Variants in MAP2K6 observed in about 807,000 individuals in gnomAD.
MAP2K6 encodes mitogen-activated protein kinase kinase 6, also known as dual specificity mitogen-activated protein kinase kinase 6.
MAP2K6 carries 16 observed loss-of-function variants against 53.7 expected under a neutral mutation model. That is an observed-to-expected ratio of 0.30 (90% confidence interval 0.20 to 0.45). The LOEUF (loss-of-function observed/expected upper bound fraction) is 0.45, where lower values mean the gene tolerates loss of function less well. Among genes scored for constraint, MAP2K6 ranks in the 20% least tolerant of loss-of-function variants. The pLI is 1.00. For missense variants in MAP2K6, 204 were observed against 411.9 expected (o/e 0.50, Z 4.37); for synonymous variants, 132 against 143.1 (o/e 0.92, Z 0.55).
chr17:69,437,436 G>T (rs1378480275), intron 1 of MAP2K6, among the ~76,000 whole-genome samples: 1 of 152,120 alleles, frequency 6.6e-6, no homozygotes. Context: ...GGTGGCAGGG[G>T]TGGAGAGGAA....
rs910243545 is a variant in MAP2K6, at chr17:69,533,314, C to T, written c.882-2801C>T. Among the ~76,000 whole-genome samples, 5 of 151,910 alleles carry T rather than the reference C, an allele frequency of 3.3e-5. No individual in the cohort carries two copies. In the East Asian group the frequency reaches 5.8e-4, roughly 18 times the overall value. On this transcript the variant is annotated intron_variant, in intron 10 of 11. Coordinates refer to ENST00000590474, the MANE Select transcript of MAP2K6 (RefSeq NM_002758.4). The stretch of plus-strand genomic sequence containing the variant: ...TCAAAATCAGTATTTTAAAAAAATA[C>T]AGCATTTAAAAAAAATACAGTATTT...
chr17:69,529,002 C>T (rs1910938601), intron 10 of MAP2K6, among the ~76,000 whole-genome samples: 1 of 151,894 alleles, frequency 6.6e-6, no homozygotes. Context: ...TTTCTCCCAC[C>T]TATCCCCTTT....
At chr17:69,465,764 C>T (rs113666818) in intron 1 of MAP2K6, among the ~76,000 whole-genome samples, 1,610 of 151,604 alleles carry the variant, frequency 0.011, 35 homozygotes, top group African/African-American at 0.037. Flanking sequence ...GGATTATAGA[C>T]GTGTGCCACC....
At chr17:69,501,179 G>A (rs1200935126) in intron 1 of MAP2K6, among the ~76,000 whole-genome samples, 3 of 152,132 alleles carry the variant, frequency 2.0e-5, no homozygotes, top group African/African-American at 7.2e-5. Context: ...TGGAAACACT[G>A]CCATCCTTTT....
intron 1 of MAP2K6, among the ~76,000 whole-genome samples, chr17:69,422,724 C>A (rs923866547): frequency 6.6e-6 from 1 of 152,128 alleles, no homozygotes; most frequent in East Asian, 1.9e-4. Flanking sequence ...TGTTATTATC[C>A]TTAATTTACG....
rs930801861 is a variant in MAP2K6 at position 69,430,380 on chromosome 17, A to C, written c.16+15380A>C. 3.9e-5 allele frequency among the ~76,000 whole-genome samples: 6 copies of C among 152,134 alleles called. No homozygotes were observed. The South Asian group carries it at 1.2e-3, about 31-fold the overall frequency. The stretch of plus-strand genomic sequence containing the variant: ...GAATAAAATAGAGAAGCCAATTGGA[A>C]ACCAGGAATCAGAGATTGAAGAGAT... On this transcript the variant is annotated intron_variant, in intron 1 of 11. Transcript: ENST00000590474.
At chr17:69,465,718 C>G (rs1364900967) in intron 1 of MAP2K6, among the ~76,000 whole-genome samples, 1 of 150,872 alleles carries the variant, frequency 6.6e-6, no homozygotes, top group African/African-American at 2.4e-5. Flanking sequence ...CTCCTGAGTT[C>G]AAGAGATTTT....
intron 1 of MAP2K6, among the ~76,000 whole-genome samples, chr17:69,479,719 C>CTT (rs557461445): frequency 3.6e-5 from 5 of 137,244 alleles, no homozygotes; most frequent in Admixed American, 7.4e-5. Context: ...TCCTTTTGTT[C>CTT]TTTTTTTTTT....
At chr17:69,498,650 CCACACACACACACACA>C (rs3222089) in intron 1 of MAP2K6, among the ~76,000 whole-genome samples, 6 of 145,420 alleles carry the variant, frequency 4.1e-5, no homozygotes, top group Non-Finnish European at 7.5e-5. Flanking sequence ...CACCTGGAAG[CCACACACACACACACA>C]CACACACACA....
Position 69,519,506 on chromosome 17 carries a change from C to T in MAP2K6, c.366+74C>T, listed in dbSNP as rs752667350. 1.9e-6 allele frequency: 3 copies of T among 1,572,552 alleles called. No individual in the cohort carries two copies. The Admixed American group carries it at 5.1e-5, about 27-fold the overall frequency. ...GAAGTTTCTTTGATCACGTAAATGCCTTCACAATCATGGAGCTCTTTCTTG... is the reference window on the plus strand; with the variant it reads ...GAAGTTTCTTTGATCACGTAAATGCTTTCACAATCATGGAGCTCTTTCTTG... On this transcript the variant is annotated intron_variant, in intron 5 of 11. Coordinates refer to ENST00000590474, the MANE Select transcript of MAP2K6 (RefSeq NM_002758.4).
At chr17:69,435,955 A>G (rs1275818095) in intron 1 of MAP2K6, among the ~76,000 whole-genome samples, 1 of 152,060 alleles carries the variant, frequency 6.6e-6, no homozygotes, top group African/African-American at 2.4e-5. Flanking sequence ...GGCGTGAGCC[A>G]CTGTGCCCAG....
chr17:69,440,402 C>A (rs1359484514), intron 1 of MAP2K6, among the ~76,000 whole-genome samples: 1 of 152,124 alleles, frequency 6.6e-6, no homozygotes, highest in Non-Finnish European at 1.5e-5. Context: ...CCTATCCCTA[C>A]CCCAGCCTCA....
At chr17:69,533,735 G>GTTTTTTTTTTTTTTTTT (rs35697742) in intron 10 of MAP2K6, among the ~76,000 whole-genome samples, 1 of 140,178 alleles carries the variant, frequency 7.1e-6, no homozygotes, top group Non-Finnish European at 1.5e-5. Flanking sequence ...TAGCCTGTTT[G>GTTTTTTTTTTTTTTTTT]TTTTTTTTTT....
intron 10 of MAP2K6, among the ~76,000 whole-genome samples, chr17:69,530,011 A>C (rs2144846192): frequency 6.6e-6 from 1 of 152,304 alleles, no homozygotes; most frequent in Admixed American, 6.5e-5. Flanking sequence ...TAATTAAAAA[A>C]TTTTGAGCCG....
intron 11 of MAP2K6, among the ~76,000 whole-genome samples, chr17:69,538,510 G>A (rs528194620): frequency 2.5e-4 from 38 of 152,264 alleles, no homozygotes; most frequent in African/African-American, 8.2e-4. Context: ...GTTTTCAAAC[G>A]GAAAATCTGA....
chr17:69,505,808 T>C lies in MAP2K6; in HGVS notation c.45T>C (p.Ile15=). 6.2e-7 allele frequency: 1 copy of C among 1,614,002 alleles called. No individual in the cohort carries two copies. Among genetic ancestry groups the C allele is most frequent in the Non-Finnish European group, 8.5e-7 (1 of 1,179,894 alleles). The part of the protein sequence containing the change: ...KGKKRNPGLK[I]PKEAFEQPQT... ...AGAAGCGAAACCCTGGCCTTAAAAT[T>C]CCAAAAGAAGCATTTGAACAACCTC... Residue 15 remains isoleucine (I), a synonymous_variant, in exon 2 of 12, where the codon ATT becomes ATC. Transcript: ENST00000590474.
intron 1 of MAP2K6, among the ~76,000 whole-genome samples, chr17:69,463,755 A>G (rs1193996617): frequency 6.6e-6 from 1 of 152,094 alleles, no homozygotes; most frequent in African/African-American, 2.4e-5. Context: ...TATTTTGAAA[A>G]TAAGCTATAA....
intron 10 of MAP2K6, among the ~76,000 whole-genome samples, chr17:69,533,781 G>A (rs1375838083): frequency 3.4e-5 from 5 of 146,802 alleles, no homozygotes; most frequent in Admixed American, 2.8e-4. Context: ...AGTCAGCAAC[G>A]CTCCTGGGAT....
chr17:69,415,330 A>G (rs148484376), intron 1 of MAP2K6, among the ~76,000 whole-genome samples: 1 of 152,352 alleles, frequency 6.6e-6, no homozygotes, highest in African/African-American at 2.4e-5. Flanking sequence ...ATTCTTTACT[A>G]TGCACAGATA....
Sources: allele counts gnomAD v4.1 joint callset (sites outside exome capture counted in the v4.1 genomes callset), GRCh38; gene constraint gnomAD v4.1.1; transcripts MANE v1.5; gene names NCBI Gene and HGNC (gene_info 2026-07-23, HGNC 2026-07-21).